PEAK1: variants seen among roughly 807,000 people sequenced by gnomAD.
The protein encoded by PEAK1 is pseudopodium enriched atypical kinase 1.
Under a neutral mutation model 124.7 loss-of-function variants are expected in PEAK1, and 54 were observed. That is an observed-to-expected ratio of 0.43 (90% CI 0.35 to 0.54). The LOEUF is 0.54. PEAK1 is among the 20% of genes least tolerant of loss of function. PEAK1 has a pLI of 0.01. For missense variants in PEAK1, 2,046 were observed against 2,134.5 expected (o/e 0.96, Z 0.82); for synonymous variants, 719 against 760.0 (o/e 0.95, Z 0.89).
chr15:77,250,476 A>G (rs2060828606), intron 6 of PEAK1, among the ~76,000 whole-genome samples: 2 of 151,386 alleles, frequency 1.3e-5, no homozygotes, highest in South Asian at 4.2e-4. Flanking sequence ...TCTGCTGCCC[A>G]GACTGGAGTG....
At chr15:77,242,443 C>T (rs2060400046) in intron 6 of PEAK1, among the ~76,000 whole-genome samples, 1 of 152,086 alleles carries the variant, frequency 6.6e-6, no homozygotes, top group South Asian at 2.1e-4. Context: ...TAAACAATTA[C>T]TGCTTTAATA....
intron 1 of PEAK1, among the ~76,000 whole-genome samples, chr15:77,414,014 G>C (rs979054733): frequency 4.6e-5 from 7 of 151,676 alleles, no homozygotes; most frequent in African/African-American, 1.7e-4. Flanking sequence ...TTAGAGATGA[G>C]GCCTCCCTAT....
intron 2 of PEAK1, among the ~76,000 whole-genome samples, chr15:77,351,545 G>T (rs1207373871): frequency 1.3e-5 from 2 of 152,122 alleles, no homozygotes. Context: ...CCAAGTAAAG[G>T]GTATTTAAAC....
At chr15:77,319,434 T>C (rs1433315594) in intron 2 of PEAK1, among the ~76,000 whole-genome samples, 1 of 152,208 alleles carries the variant, frequency 6.6e-6, no homozygotes, top group Non-Finnish European at 1.5e-5. Context: ...AAAGAGTTAA[T>C]CACTGATTTT....
At chr15:77,279,638 C>T (rs1309255612) in intron 5 of PEAK1, among the ~76,000 whole-genome samples, 1 of 152,148 alleles carries the variant, frequency 6.6e-6, no homozygotes, top group Non-Finnish European at 1.5e-5. Flanking sequence ...AAATGTCAAC[C>T]CTCACTCTAA....
intron 5 of PEAK1, among the ~76,000 whole-genome samples, chr15:77,260,440 C>A (rs370966233): frequency 2.0e-5 from 3 of 151,466 alleles, no homozygotes; most frequent in East Asian, 3.9e-4. Context: ...TAGAAAGAAA[C>A]CCAGAAATGA....
chr15:77,125,360 T>G (rs12903728), intron 9 of PEAK1, among the ~76,000 whole-genome samples: 1 of 152,042 alleles, frequency 6.6e-6, no homozygotes, highest in Non-Finnish European at 1.5e-5. Flanking sequence ...AAAATTAAAG[T>G]AGAAAATTCA....
intron 2 of PEAK1, among the ~76,000 whole-genome samples, chr15:77,315,687 G>GA (rs2064827014): frequency 6.6e-6 from 1 of 150,646 alleles, no homozygotes; most frequent in Admixed American, 6.6e-5. Context: ...ATATGTACAG[G>GA]AAAAAAACCC....
At chr15:77,226,823 T>G (rs1020329884) in intron 6 of PEAK1, among the ~76,000 whole-genome samples, 2 of 152,128 alleles carry the variant, frequency 1.3e-5, no homozygotes, top group Non-Finnish European at 2.9e-5. Flanking sequence ...TCTACTTCCT[T>G]ATAACGTATT....
chr15:77,375,942 T>C (rs2068982297), intron 1 of PEAK1, among the ~76,000 whole-genome samples: 1 of 151,846 alleles, frequency 6.6e-6, no homozygotes, highest in African/African-American at 2.4e-5. Flanking sequence ...GAGCCTGCAG[T>C]GAGCCGAGAT....
intron 8 of PEAK1, among the ~76,000 whole-genome samples, chr15:77,147,806 G>A (rs897058695): frequency 2.0e-5 from 3 of 152,108 alleles, no homozygotes; most frequent in Non-Finnish European, 4.4e-5. Flanking sequence ...CAACATAGAA[G>A]ACAATATAAA....
chr15:77,365,741 TA>T (rs71145816), intron 1 of PEAK1, among the ~76,000 whole-genome samples: 3,099 of 80,812 alleles, frequency 0.038, 86 homozygotes, highest in African/African-American at 0.14. Flanking sequence ...CTCCATCTCA[TA>T]AAAAAAAAAA....
intron 1 of PEAK1, among the ~76,000 whole-genome samples, chr15:77,399,655 A>T (rs1233722607): frequency 6.6e-6 from 1 of 152,164 alleles, no homozygotes; most frequent in African/African-American, 2.4e-5. Context: ...CATACACAAA[A>T]AGTCAAATCA....
At chr15:77,251,665 G>A (rs940128538) in intron 6 of PEAK1, among the ~76,000 whole-genome samples, 9 of 152,144 alleles carry the variant, frequency 5.9e-5, no homozygotes, top group Non-Finnish European at 8.8e-5. Context: ...TTACTCCAGA[G>A]GTGGGGCTCA....
chr15:77,199,020 T>C (rs979263873), intron 6 of PEAK1, among the ~76,000 whole-genome samples: 16 of 152,182 alleles, frequency 1.1e-4, no homozygotes, highest in Admixed American at 7.2e-4. Context: ...AGCACCAGGA[T>C]TTAAGGCAGG....
chr15:77,374,007 T>C (rs551631925), intron 1 of PEAK1, among the ~76,000 whole-genome samples: 1 of 152,300 alleles, frequency 6.6e-6, no homozygotes. Context: ...ATCTTGATAA[T>C]GTGCAAAAAA....
At chr15:77,227,115 A>T (rs1014417019) in intron 6 of PEAK1, among the ~76,000 whole-genome samples, 1 of 152,240 alleles carries the variant, frequency 6.6e-6, no homozygotes, top group African/African-American at 2.4e-5. Flanking sequence ...CAAACATCTG[A>T]AACAGTTCAG....
At chr15:77,130,810 T>C (rs889444919) in intron 9 of PEAK1, among the ~76,000 whole-genome samples, 1 of 152,172 alleles carries the variant, frequency 6.6e-6, no homozygotes, top group Non-Finnish European at 1.5e-5. Context: ...GAGGAGGAAA[T>C]TGAGGCTCAA....
At chr15:77,213,147 G>A (rs2058982478) in intron 6 of PEAK1, among the ~76,000 whole-genome samples, 1 of 152,134 alleles carries the variant, frequency 6.6e-6, no homozygotes, top group Admixed American at 6.5e-5. Flanking sequence ...CTGGAATAAT[G>A]TTCTATGCAA....
Sources: gnomAD v4.1 joint callset for allele counts (sites outside exome capture counted in the v4.1 genomes callset) on GRCh38, gnomAD v4.1.1 for gene constraint, MANE v1.5 for transcripts, NCBI Gene and HGNC (gene_info 2026-07-23, HGNC 2026-07-21) for gene names.